Variants in WDR7 observed in about 807,000 individuals in gnomAD.
WDR7 encodes WD repeat domain 7, also known as WD repeat-containing protein 7.
A neutral mutation model predicts 169.4 loss-of-function variants in WDR7; 46 were observed. The ratio of observed to expected loss-of-function variants is 0.27; its 90% CI spans 0.21 to 0.35. WDR7 has a LOEUF of 0.35. WDR7 is among the 10% of genes least tolerant of loss of function. The pLI, the probability that WDR7 is intolerant of heterozygous loss-of-function variation, is 1.00. For missense variants in WDR7, 1,534 were observed against 1,859.3 expected (o/e 0.83, Z 3.22); for synonymous variants, 612 against 666.8 (o/e 0.92, Z 1.27).
intron 1 of WDR7, among the ~76,000 whole-genome samples, chr18:56,662,956 AACAGAATTTTATTTTCCC>A (rs1195129522): frequency 6.6e-6 from 1 of 152,226 alleles, no homozygotes; most frequent in Non-Finnish European, 1.5e-5. Flanking sequence ...TGGCTTAAAC[AACAGAATTTTATTTTCCC>A]ACAGTCCTGG....
At chr18:56,920,948 A>G (rs2046709023) in intron 21 of WDR7, among the ~76,000 whole-genome samples, 1 of 152,208 alleles carries the variant, frequency 6.6e-6, no homozygotes, top group Admixed American at 6.5e-5. Context: ...TAGAGAATAC[A>G]ATATAAGTTA....
chr18:56,716,868 T>C (rs2026203499), intron 12 of WDR7, among the ~76,000 whole-genome samples: 1 of 152,234 alleles, frequency 6.6e-6, no homozygotes, highest in African/African-American at 2.4e-5. Flanking sequence ...GTATTTCCCA[T>C]GCACATTTGA....
At chr18:57,006,246 G>A (rs1480275198) in intron 26 of WDR7, among the ~76,000 whole-genome samples, 3 of 151,994 alleles carry the variant, frequency 2.0e-5, no homozygotes, top group Non-Finnish European at 4.4e-5. Flanking sequence ...AGTGCATTCT[G>A]TGTTATAAAC....
intron 20 of WDR7, among the ~76,000 whole-genome samples, chr18:56,828,570 TATTA>T (rs2045252726): frequency 1.3e-5 from 2 of 152,142 alleles, no homozygotes; most frequent in Admixed American, 1.3e-4. Context: ...AAATATTAAA[TATTA>T]ATTAAAATAT....
chr18:56,686,767 T>C, intron 6 of WDR7, 88 bp from the exon 7 acceptor site: 1 of 1,141,402 alleles, frequency 8.8e-7, no homozygotes. Flanking sequence ...AGCGATGCCT[T>C]TATTTAATTT....
At chr18:57,017,442 G>A (rs1259163907) in intron 26 of WDR7, among the ~76,000 whole-genome samples, 1 of 134,926 alleles carries the variant, frequency 7.4e-6, no homozygotes, top group Non-Finnish European at 1.6e-5. Flanking sequence ...GTGTGTGTGT[G>A]TGCATGTGTG....
At position 56,756,628 on chromosome 18, in the gene WDR7, A is replaced by T. The variant is rs1204743532; in HGVS notation, c.2035A>T (p.Ile679Leu). Reference protein sequence around the residue: ...YSHNSLMVQAIKTNLTDPDIH... With the variant: ...YSHNSLMVQALKTNLTDPDIH... ...TCATAACTCCCTGATGGTTCAAGCAATAAAGACAAACCTAACAGACCCGGA... is the reference window on the plus strand; with the variant it reads ...TCATAACTCCCTGATGGTTCAAGCATTAAAGACAAACCTAACAGACCCGGA... The change falls in exon 15 of 28, where the codon ATA (isoleucine) becomes TTA (leucine). Residue 679 changes from isoleucine to leucine, a missense_variant. Physicochemically the swap from Ile to Leu is conservative, Grantham distance 5. Transcript: ENST00000254442. The T allele has an allele frequency of 1.2e-6, 2 of 1,613,322 alleles. No individual in the cohort carries two copies. Among genetic ancestry groups the T allele is most frequent in the Non-Finnish European group, 1.7e-6 (2 of 1,179,912 alleles).
intron 25 of WDR7, chr18:56,957,211 C>T (rs1000508468): frequency 3.3e-5 from 5 of 152,016 alleles, no homozygotes; most frequent in Non-Finnish European, 7.4e-5. Context: ...ATGAAGAAAG[C>T]GAAGTTGCAG....
intron 25 of WDR7, among the ~76,000 whole-genome samples, chr18:56,959,224 A>G (rs1429473989): frequency 6.6e-6 from 1 of 152,056 alleles, no homozygotes; most frequent in Non-Finnish European, 1.5e-5. Context: ...CCCCTTTGGC[A>G]TATTCAAGAA....
intron 26 of WDR7, among the ~76,000 whole-genome samples, chr18:56,991,143 A>ATTTTTT (rs60092817): frequency 0.029 from 3,209 of 110,508 alleles, 273 homozygotes; most frequent in East Asian, 0.083. Context: ...CCTTCTCCTC[A>ATTTTTT]TTTTTTTTTT....
At chr18:56,855,555 T>C (rs1412433941) in intron 20 of WDR7, among the ~76,000 whole-genome samples, 1 of 152,216 alleles carries the variant, frequency 6.6e-6, no homozygotes, top group Non-Finnish European at 1.5e-5. Flanking sequence ...TTTTTGTGTA[T>C]GGTGTAGAAT....
chr18:57,014,332 CAA>C (rs35192329), intron 26 of WDR7, among the ~76,000 whole-genome samples: 53 of 133,250 alleles, frequency 4.0e-4, no homozygotes, highest in African/African-American at 6.6e-4. Context: ...GACTCCATCT[CAA>C]AAAAAAAAAA....
chr18:56,975,634 AG>A (rs2047554671), intron 26 of WDR7, among the ~76,000 whole-genome samples: 1 of 152,188 alleles, frequency 6.6e-6, no homozygotes, highest in African/African-American at 2.4e-5. Context: ...CATTTTTGAT[AG>A]TACCATCCCA....
intron 5 of WDR7, 80 bp from the exon 6 acceptor site, chr18:56,685,876 T>C: frequency 8.8e-7 from 1 of 1,139,454 alleles, no homozygotes; most frequent in Non-Finnish European, 1.3e-6. Context: ...TTAATTTTAT[T>C]CAAGCAAAAC....
intron 21 of WDR7, among the ~76,000 whole-genome samples, chr18:56,921,697 T>C (rs1479613852): frequency 1.3e-5 from 2 of 152,206 alleles, no homozygotes; most frequent in Non-Finnish European, 2.9e-5. Flanking sequence ...CGCTTTTCTG[T>C]CATTTCATCC....
intron 20 of WDR7, among the ~76,000 whole-genome samples, chr18:56,843,972 C>T (rs1201908568): frequency 6.6e-6 from 1 of 150,854 alleles, no homozygotes; most frequent in East Asian, 2.0e-4. Context: ...AAGCAATTGT[C>T]CTGCCTCAGC....
intron 18 of WDR7, among the ~76,000 whole-genome samples, chr18:56,780,347 C>T (rs929445066): frequency 1.3e-5 from 2 of 152,026 alleles, no homozygotes; most frequent in African/African-American, 2.4e-5. Context: ...AATATAAGTA[C>T]GAGTAATATA....
chr18:56,845,050 TTTCAAGTATCCACTG>T (rs2045546841), intron 20 of WDR7, among the ~76,000 whole-genome samples: 1 of 152,162 alleles, frequency 6.6e-6, no homozygotes, highest in Non-Finnish European at 1.5e-5. Flanking sequence ...CTATCTGAGG[TTTCAAGTATCCACTG>T]GGGTACTTGG....
chr18:56,815,318 A>G (rs1360460466), intron 19 of WDR7, among the ~76,000 whole-genome samples: 1 of 152,196 alleles, frequency 6.6e-6, no homozygotes, highest in Non-Finnish European at 1.5e-5. Flanking sequence ...CTGTTGTGAA[A>G]TTGAGAAATA....
Sources: allele counts gnomAD v4.1 joint callset (sites outside exome capture counted in the v4.1 genomes callset), GRCh38; gene constraint gnomAD v4.1.1; transcripts MANE v1.5; gene names NCBI Gene and HGNC (gene_info 2026-07-23, HGNC 2026-07-21).